Variants in CELF4 observed in about 807,000 individuals in gnomAD.
CELF4 encodes CUG-BP- and ETR-3-like factor 4.
A neutral mutation model predicts 59.9 loss-of-function variants in CELF4; 18 were observed. The observed-to-expected ratio is 0.30, with a 90% confidence interval of 0.21 to 0.45. CELF4 has a LOEUF of 0.45. CELF4 is among the 20% of genes least tolerant of loss of function. The pLI is 1.00. For synonymous variants in CELF4, 261 were observed against 267.1 expected (o/e 0.98, Z 0.22); for missense variants, 456 against 689.0 (o/e 0.66, Z 3.79).
chr18:37,275,250 C>A lies in CELF4; in HGVS notation c.449-7G>T. ...ACGAAGAGTTTTCTATCTTCTAGAA[C>A]AAAATTAGGAGATGCTTACCCGGGC... On this transcript the variant is annotated splice_polypyrimidine_tract_variant and splice_region_variant and intron_variant, in intron 3 of 12. Transcript: ENST00000420428. The A allele has an allele frequency of 1.9e-6, 3 of 1,613,072 alleles. No homozygotes were observed. Among genetic ancestry groups the A allele is most frequent in the Non-Finnish European group, 1.7e-6 (2 of 1,179,734 alleles).
At chr18:37,421,915 C>G (rs558952449) in intron 2 of CELF4, among the ~76,000 whole-genome samples, 1 of 152,360 alleles carries the variant, frequency 6.6e-6, no homozygotes. Context: ...CCTCTGGTCA[C>G]CCACGCGGTG....
At chr18:37,389,931 G>A (rs1056644992) in intron 2 of CELF4, among the ~76,000 whole-genome samples, 10 of 152,152 alleles carry the variant, frequency 6.6e-5, no homozygotes, top group African/African-American at 9.7e-5. Flanking sequence ...GACTCCTCAC[G>A]CTCACTCACG....
At chr18:37,539,469 ACAAACACAC>A (rs2099976128) in intron 1 of CELF4, among the ~76,000 whole-genome samples, 4 of 105,724 alleles carry the variant, frequency 3.8e-5, no homozygotes, top group African/African-American at 1.6e-4. Flanking sequence ...ACACACACAC[ACAAACACAC>A]ACACACACAC....
chr18:37,416,343 C>T (rs1281837593), intron 2 of CELF4, among the ~76,000 whole-genome samples: 1 of 152,170 alleles, frequency 6.6e-6, no homozygotes, highest in African/African-American at 2.4e-5. Flanking sequence ...AGATCCTCCC[C>T]CTGTCAGAAC....
chr18:37,445,601 C>A (rs890985691), intron 2 of CELF4, among the ~76,000 whole-genome samples: 3 of 151,924 alleles, frequency 2.0e-5, no homozygotes, highest in African/African-American at 4.8e-5. Context: ...GAGAGAGAGG[C>A]AGGCATGAAG....
intron 10 of CELF4, among the ~76,000 whole-genome samples, chr18:37,264,325 A>C (rs1221065875): frequency 6.6e-6 from 1 of 152,202 alleles, no homozygotes; most frequent in African/African-American, 2.4e-5. Context: ...GTTCTCATAG[A>C]CCAAGGTTTT....
At chr18:37,405,138 T>G (rs1206680506) in intron 2 of CELF4, among the ~76,000 whole-genome samples, 2 of 152,028 alleles carry the variant, frequency 1.3e-5, no homozygotes, top group African/African-American at 2.4e-5. Flanking sequence ...CTCCAGCTAT[T>G]CCTCATAGGA....
rs139261558 is a variant in CELF4, at chr18:37,431,185, C to T, written c.369+54340G>A. On this transcript the variant is annotated intron_variant, in intron 2 of 12. Transcript: ENST00000420428. The stretch of plus-strand genomic sequence containing the variant: ...CTGTGCCATCTAGTTCACTCCCTGG[C>T]GTACAGTAGGTGCCTAATTAAAACT... 2.2e-3 allele frequency among the ~76,000 whole-genome samples: 333 copies of T among 152,202 alleles called. 2 individuals carry two copies. The highest frequency in any genetic ancestry group is 0.02 in the Middle Eastern group (6 of 294).
rs533442795 is a variant in CELF4 at position 37,270,981 on chromosome 18, G to A, written c.950-64C>T. ...GGCAAGCAGAACAAAGGTGAGGAAGGCCCACCCATAAAGCTTCACTCAACT... is the reference window on the plus strand; with the variant it reads ...GGCAAGCAGAACAAAGGTGAGGAAGACCCACCCATAAAGCTTCACTCAACT... On this transcript the variant is annotated intron_variant, in intron 7 of 12. Coordinates refer to ENST00000420428, the MANE Select transcript of CELF4 (RefSeq NM_020180.4). 8 of 1,401,118 alleles carry A rather than the reference G, an allele frequency of 5.7e-6. No homozygotes were observed. The South Asian group carries it at 8.2e-5, about 14-fold the overall frequency. The allele number at this position is 1,401,118 out of a possible 1,614,324, so 86.8% of individuals were successfully genotyped here.
chr18:37,362,535 T>C (rs2098721010), intron 2 of CELF4, among the ~76,000 whole-genome samples: 1 of 152,056 alleles, frequency 6.6e-6, no homozygotes. Flanking sequence ...GAGAGCACAG[T>C]GCAGACTCTG....
intron 1 of CELF4, among the ~76,000 whole-genome samples, chr18:37,490,647 G>T (rs559037199): frequency 6.6e-6 from 1 of 152,332 alleles, no homozygotes; most frequent in South Asian, 2.1e-4. Context: ...AGCTGGAAAT[G>T]TAAATGATTC....
intron 2 of CELF4, among the ~76,000 whole-genome samples, chr18:37,335,230 C>T (rs895829358): frequency 5.9e-5 from 9 of 152,246 alleles, no homozygotes; most frequent in African/African-American, 2.2e-4. Flanking sequence ...GCATCGATCA[C>T]GGCCCTCCTC....
At chr18:37,333,090 T>C (rs1277164057) in intron 2 of CELF4, among the ~76,000 whole-genome samples, 1 of 152,216 alleles carries the variant, frequency 6.6e-6, no homozygotes, top group Non-Finnish European at 1.5e-5. Context: ...GGATAGATAA[T>C]TCTGATGAAA....
chr18:37,355,598 G>A (rs1168370401), intron 2 of CELF4, among the ~76,000 whole-genome samples: 3 of 151,064 alleles, frequency 2.0e-5, no homozygotes, highest in Non-Finnish European at 4.4e-5. Context: ...GCTTGAACCC[G>A]GGAAGCAGAG....
chr18:37,263,100 G>A (rs2075714303), intron 10 of CELF4, among the ~76,000 whole-genome samples: 2 of 152,224 alleles, frequency 1.3e-5, no homozygotes, highest in African/African-American at 4.8e-5. Context: ...TGGAGTTTGG[G>A]GGCAGACTCA....
chr18:37,405,093 C>A (rs868383488), intron 2 of CELF4, among the ~76,000 whole-genome samples: 2 of 143,958 alleles, frequency 1.4e-5, no homozygotes, highest in Middle Eastern at 3.2e-3. Context: ...CAGGCCCCAA[C>A]CCCCCCCGTG....
chr18:37,381,474 A>C (rs909241485), intron 2 of CELF4, among the ~76,000 whole-genome samples: 3 of 152,098 alleles, frequency 2.0e-5, no homozygotes, highest in African/African-American at 7.2e-5. Flanking sequence ...GGAAGGCAGG[A>C]AGCTCCTTGA....
At chr18:37,500,511 ATTTTC>A (rs67986694) in intron 1 of CELF4, among the ~76,000 whole-genome samples, 45,217 of 140,512 alleles carry the variant, frequency 0.32, 7,924 homozygotes, top group South Asian at 0.44. Context: ...CTTCTAGCTC[ATTTTC>A]TTTTCTTTTC....
At chr18:37,318,280 C>T (rs1035595541) in intron 3 of CELF4, among the ~76,000 whole-genome samples, 1 of 151,634 alleles carries the variant, frequency 6.6e-6, no homozygotes, top group Non-Finnish European at 1.5e-5. Flanking sequence ...CCTCGCTCCC[C>T]CTCCTCCTCC....
Sources: allele counts gnomAD v4.1 joint callset (sites outside exome capture counted in the v4.1 genomes callset), GRCh38; gene constraint gnomAD v4.1.1; transcripts MANE v1.5; gene names NCBI Gene and HGNC (gene_info 2026-07-23, HGNC 2026-07-21).